The following IL3RA variants were observed in gnomAD, a reference collection of about 807,000 sequenced individuals.
IL3RA encodes the protein interleukin 3 receptor subunit alpha.
Under a neutral mutation model 52.3 loss-of-function variants are expected in IL3RA, and 73 were observed. That is an observed-to-expected ratio of 1.40 (90% CI 1.16 to 1.70). IL3RA has a LOEUF of 1.70. Ranked by LOEUF, IL3RA falls within the 40% of genes most tolerant of loss-of-function variation. IL3RA has a pLI of 0.00. For synonymous variants in IL3RA, 260 were observed against 194.0 expected (o/e 1.34, Z -2.83); for missense variants, 664 against 504.4 (o/e 1.32, Z -3.03).
At chrX:1,349,139 G>C (rs1288625517) in intron 4 of IL3RA, among the ~76,000 whole-genome samples, 2 of 151,110 alleles carry the variant, frequency 1.3e-5, no homozygotes, top group South Asian at 4.2e-4. Flanking sequence ...TCCCACGTAG[G>C]TGGAACTACA....
chrX:1,352,142 T>A lies in IL3RA; in HGVS notation c.341T>A (p.Ile114Asn), dbSNP rs779028946. ...WAGAENLTCW[I>N]HDVDFLSCSW... ...GGTGCGGAGAATCTGACCTGCTGGA[T>A]TCATGACGTGGATTTCTTGAGCTGC... The change falls in exon 5 of 12, where the codon ATT becomes AAT. Residue 114 changes from isoleucine to asparagine, a missense_variant. Coordinates refer to ENST00000331035, the MANE Select transcript of IL3RA (RefSeq NM_002183.4). 6.2e-7 allele frequency: 1 copy of A among 1,613,786 alleles called. No homozygotes were observed. The highest frequency in any genetic ancestry group is 1.7e-5 in the Admixed American group (1 of 60,004).
At chrX:1,348,666 C>CTT (rs370120998) in intron 4 of IL3RA, 121 bp downstream of exon 4, 11 of 451,414 alleles carry the variant, frequency 2.4e-5, no homozygotes, top group Admixed American at 8.9e-5. Flanking sequence ...TTCTTTCTTT[C>CTT]TTTCTTTCTT....
At position 1,352,374 on chromosome X, in the gene IL3RA, C is replaced by T. The variant is rs754487584; in HGVS notation, c.484C>T (p.Arg162Cys). The T allele has an allele frequency of 5.9e-5, 95 of 1,613,874 alleles. No individual in the cohort carries two copies. Among genetic ancestry groups the T allele is most frequent in the African/African-American group, 4.4e-4 (33 of 75,056 alleles). Reference sequence around the variant, plus strand: ...CTACAAAACGGATGCTCAGGGAACACGTATCGGGTGTCGTTTCGATGACAT... The same window carrying T: ...CTACAAAACGGATGCTCAGGGAACATGTATCGGGTGTCGTTTCGATGACAT... ...LHYKTDAQGT[R>C]IGCRFDDISR... The change falls in exon 6 of 12, where the codon CGT becomes TGT. Residue 162 changes from arginine to cysteine, a missense_variant. Arg to Cys is a radical substitution (Grantham distance 180). Coordinates refer to ENST00000331035, the MANE Select transcript of IL3RA (RefSeq NM_002183.4).
In IL3RA at chrX:1,341,715, G is replaced by C. The variant is rs371052803; in HGVS notation, c.-38-13G>C. 1.9e-6 allele frequency: 3 copies of C among 1,609,280 alleles called. No homozygotes were observed. Among genetic ancestry groups the C allele is most frequent in the Non-Finnish European group, 2.5e-6 (3 of 1,176,678 alleles). On this transcript the variant is annotated splice_polypyrimidine_tract_variant and intron_variant, in intron 1 of 11. Coordinates refer to ENST00000331035, the MANE Select transcript of IL3RA (RefSeq NM_002183.4). Reference sequence around the variant, plus strand: ...AGCCAGTCCCCGCTGCCTGACTCTCGTTTCTCCTGCAGCAGGCACCTCTGT... The same window carrying C: ...AGCCAGTCCCCGCTGCCTGACTCTCCTTTCTCCTGCAGCAGGCACCTCTGT...
chrX:1,344,539 C>G (rs1176817527), intron 2 of IL3RA, among the ~76,000 whole-genome samples: 3 of 151,214 alleles, frequency 2.0e-5, no homozygotes, highest in African/African-American at 7.3e-5. Context: ...CTTTGAGAGG[C>G]CGAGGCGGAC....
chrX:1,342,990 G>C (rs17881593), intron 2 of IL3RA, among the ~76,000 whole-genome samples: 8 of 151,552 alleles, frequency 5.3e-5, no homozygotes, highest in Non-Finnish European at 1.2e-4. Flanking sequence ...CAGGAGAGTC[G>C]CTTGAACCCG....
chrX:1,344,419 G>C (rs1297678583), intron 2 of IL3RA, among the ~76,000 whole-genome samples: 3 of 150,418 alleles, frequency 2.0e-5, no homozygotes, highest in Non-Finnish European at 4.4e-5. Flanking sequence ...GGGCGACAGA[G>C]TGAGACTCCG....
At position 1,348,072 on chromosome X, in the gene IL3RA, C is replaced by T. The variant is rs1460009271; in HGVS notation, c.184-359C>T. Among the ~76,000 whole-genome samples the T allele has an allele frequency of 5.6e-5, 8 of 143,650 alleles. No homozygotes were observed. In the East Asian group the frequency reaches 1.7e-3, roughly 30 times the overall value. The allele number at this position is 143,650 out of a possible 152,430, so 94.2% of individuals were successfully genotyped here. A position where few individuals can be genotyped will look rare whatever the true frequency, so the allele number is the denominator to read the frequency against. ...AAAACAGAAAAAAGTCTTGGCCGGG[C>T]ACGGTGGCTCACGCCTGTAATCCCA... On this transcript the variant is annotated intron_variant, in intron 3 of 11. Transcript: ENST00000331035.
intron 5 of IL3RA, 35 bp from the exon 6 acceptor site, chrX:1,352,287 G>A (rs749865844): frequency 1.9e-6 from 3 of 1,613,022 alleles, no homozygotes; most frequent in African/African-American, 1.3e-5. Context: ...TGCCATCGGC[G>A]TGGGGTCGTC....
intron 10 of IL3RA, among the ~76,000 whole-genome samples, chrX:1,379,932 G>C (rs1444313956): frequency 6.6e-6 from 1 of 152,186 alleles, no homozygotes; most frequent in African/African-American, 2.4e-5. Flanking sequence ...GGCTAATTTT[G>C]TATTTTTAGT....
intron 6 of IL3RA, among the ~76,000 whole-genome samples, chrX:1,356,006 A>C (rs1420251500): frequency 4.6e-5 from 7 of 152,062 alleles, no homozygotes; most frequent in African/African-American, 1.4e-4. Flanking sequence ...GTGCAACCCC[A>C]AGGCTCACTC....
intron 1 of IL3RA, 62 bp from the exon 2 acceptor site, chrX:1,341,663 CCTT>C: frequency 1.5e-6 from 2 of 1,320,656 alleles, no homozygotes; most frequent in Non-Finnish European, 2.2e-6. Context: ...GGGCAAGCAT[CCTT>C]CATTACCCGC....
At chrX:1,360,173 A>C (rs1377681938) in intron 8 of IL3RA, among the ~76,000 whole-genome samples, 217 of 63,598 alleles carry the variant, frequency 3.4e-3, no homozygotes, top group Admixed American at 5.0e-3. Flanking sequence ...CCCTCCCTCC[A>C]TCTTTCTCTC....
rs1286008462 is a variant in IL3RA at position 1,349,756 on chromosome X, G to C, written c.298+1211G>C. ...CAGCTTACCGCAAACTCCGCCTCCC[G>C]GGTTCAAGCGATTCTCCTGCCTCAG... On this transcript the variant is annotated intron_variant, in intron 4 of 11. Coordinates refer to ENST00000331035, the MANE Select transcript of IL3RA (RefSeq NM_002183.4). Among the ~76,000 whole-genome samples the C allele has an allele frequency of 2.0e-5, 3 of 152,038 alleles. No individual in the cohort carries two copies. In the South Asian group the frequency reaches 6.2e-4, roughly 32 times the overall value.
intron 8 of IL3RA, among the ~76,000 whole-genome samples, chrX:1,364,790 T>TTTTATTATTTTA (rs754301110): frequency 0.09 from 12,689 of 141,474 alleles, 735 homozygotes; most frequent in Middle Eastern, 0.14. Flanking sequence ...TCTTTTCTTC[T>TTTTATTATTTTA]TTTATTTATT....
chrX:1,365,766 G>C (rs1448357082), intron 9 of IL3RA, among the ~76,000 whole-genome samples: 1 of 36,200 alleles, frequency 2.8e-5, no homozygotes. Flanking sequence ...GGTGAGCCGG[G>C]TGCGCGGGGT....
At position 1,356,256 on chromosome X, in the gene IL3RA, A is replaced by C. The variant is rs1307469481; in HGVS notation, c.652A>C (p.Asn218His). The C allele has an allele frequency of 1.2e-6, 2 of 1,613,448 alleles. No individual in the cohort carries two copies. Among genetic ancestry groups the C allele is most frequent in the African/African-American group, 2.7e-5 (2 of 74,924 alleles). Reference protein sequence around the residue: ...LTPPNMTAKCNKTHSFMHWKM... With the variant: ...LTPPNMTAKCHKTHSFMHWKM... ...TCCACCCAACATGACTGCAAAGTGT[A>C]ATAAGACACATTCCTTTATGCACTG... Residue 218 changes from asparagine (N) to histidine (H), a missense_variant, in exon 7 of 12, where the codon AAT becomes CAT. By Grantham distance (68) the Asn-to-His change is moderately conservative (BLOSUM62 1). Coordinates refer to ENST00000331035, the MANE Select transcript of IL3RA (RefSeq NM_002183.4).
Position 1,381,524 on chromosome X carries a change from C to T in IL3RA, c.1062+420C>T, listed in dbSNP as rs1329303408. Among the ~76,000 whole-genome samples, 6 of 151,910 alleles carry T rather than the reference C, an allele frequency of 3.9e-5. 1 individual carries two copies. The highest frequency in any genetic ancestry group is 1.4e-4 in the African/African-American group (6 of 41,490). ...ACGGGCCGTCTCCGCACCCTGCACA[C>T]CAGAGCAGAGCAGATTTTTTTTTTT... On this transcript the variant is annotated intron_variant, in intron 11 of 11. Coordinates refer to ENST00000331035, the MANE Select transcript of IL3RA (RefSeq NM_002183.4).
intron 1 of IL3RA, among the ~76,000 whole-genome samples, chrX:1,338,545 C>T (rs1384142692): frequency 6.6e-6 from 1 of 152,236 alleles, no homozygotes. Flanking sequence ...ATTACACAGC[C>T]ATGAAAAGGA....
Sources: allele counts gnomAD v4.1 joint callset (sites outside exome capture counted in the v4.1 genomes callset), GRCh38; gene constraint gnomAD v4.1.1; transcripts MANE v1.5; gene names NCBI Gene and HGNC (gene_info 2026-07-23, HGNC 2026-07-21).